Variants in ABCB10 observed in about 807,000 individuals in gnomAD.
ABCB10 encodes ATP binding cassette subfamily B member 10.
A neutral mutation model predicts 65.4 loss-of-function variants in ABCB10; 54 were observed. The observed-to-expected ratio is 0.83, with a 90% CI of 0.66 to 1.04. The LOEUF is 1.04. ABCB10 is among the 50% of genes least tolerant of loss of function. The pLI, the probability that ABCB10 is intolerant of heterozygous loss-of-function variation, is 0.00. For synonymous variants in ABCB10, 418 were observed against 406.5 expected, an observed-to-expected ratio of 1.03 and a Z score of -0.34; for missense variants, 846 against 976.6, an observed-to-expected ratio of 0.87 and a Z score of 1.78.
intron 2 of ABCB10, among the ~76,000 whole-genome samples, chr1:229,548,805 G>A (rs373954790): frequency 1.3e-5 from 2 of 152,034 alleles, no homozygotes; most frequent in African/African-American, 4.8e-5. Flanking sequence ...TGAGATTACA[G>A]GCACACACCA....
intron 2 of ABCB10, 30 bp downstream of exon 2, chr1:229,549,203 GA>G: frequency 1.2e-6 from 2 of 1,610,368 alleles, no homozygotes; most frequent in Non-Finnish European, 1.7e-6. Flanking sequence ...TCTTCAGGAT[GA>G]CTCACATCCC....
rs1477049607 is a variant in ABCB10 at position 229,558,643 on chromosome 1, G to C, written c.10C>G (p.Pro4Ala). 2.9e-6 allele frequency: 4 copies of C among 1,361,024 alleles called. No homozygotes were observed. The highest frequency in any genetic ancestry group is 3.8e-6 in the Non-Finnish European group (4 of 1,059,020). 84.3% of individuals were successfully genotyped at this position (1,361,024 alleles called of 1,614,324 possible). Residue 4 changes from proline (P) to alanine (A), a missense_variant, in exon 1 of 13, where the codon CCC (proline) becomes GCC (alanine). By Grantham distance (27) the Pro-to-Ala change is conservative. Around this residue, in one of 2 missense-constraint regions of ABCB10, gnomAD observed 214 missense variants for 173.5 expected, o/e 1.23. Coordinates refer to ENST00000344517, the MANE Select transcript of ABCB10 (RefSeq NM_012089.3). ...AGCAGCCGCAGCGGCCAGGCAGGGG[G>C]GCCTCGCATGGCGCTGCGTGCGACC... MRG[P>A]PAWPLRLLEP...
At chr1:229,527,338 C>A (rs377627077) in intron 8 of ABCB10, 30 bp from the exon 9 acceptor site, 2 of 1,582,878 alleles carry the variant, frequency 1.3e-6, no homozygotes, top group African/African-American at 2.7e-5. Context: ...AGGAAAGAGT[C>A]ACTGAGTGTG....
chr1:229,547,718 G>C lies in ABCB10; in HGVS notation c.719-17C>G, dbSNP rs550929290. The C allele has an allele frequency of 6.2e-7, 1 of 1,613,348 alleles. No individual in the cohort carries two copies. The highest frequency in any genetic ancestry group is 1.7e-5 in the Admixed American group (1 of 60,020). On this transcript the variant is annotated splice_polypyrimidine_tract_variant and intron_variant, in intron 2 of 12. Coordinates refer to ENST00000344517, the MANE Select transcript of ABCB10 (RefSeq NM_012089.3). ...TGCGCTGACCTGCAAAAGCAAACAC[G>C]AACAGGCTCACCAAGGGTAAAGACA...
chr1:229,518,731 A>G (rs868188771), intron 12 of ABCB10, 110 bp downstream of exon 12: 16 of 999,632 alleles, frequency 1.6e-5, no homozygotes, highest in African/African-American at 1.3e-4. Context: ...TAAAGGGGGG[A>G]AAAAGGATTT....
Position 229,534,162 on chromosome 1 carries a change from C to T in ABCB10, c.1340-2431G>A, listed in dbSNP as rs2102692580. Among the ~76,000 whole-genome samples the T allele has an allele frequency of 2.0e-5, 3 of 152,280 alleles. No homozygotes were observed. In the South Asian group the frequency reaches 6.2e-4, roughly 32 times the overall value. On this transcript the variant is annotated intron_variant, in intron 6 of 12. Coordinates refer to ENST00000344517, the MANE Select transcript of ABCB10 (RefSeq NM_012089.3). ...AGAAAATATACAGAGAGCAAATAAG[C>T]ATATGAACAGACGCTCAACATCATA...
rs376145871 is a variant in ABCB10, at chr1:229,558,155, A to G, written c.498T>C (p.Pro166=). 1 of 1,422,830 alleles carries G rather than the reference A, an allele frequency of 7.0e-7. No individual in the cohort carries two copies. The highest frequency in any genetic ancestry group is 9.2e-7 in the Non-Finnish European group (1 of 1,091,042). 88.1% of individuals were successfully genotyped at this position (1,422,830 alleles called of 1,614,324 possible). ...EARKLLGLAY[P]ERRRLAAAVG... is the part of the protein sequence containing the mutation. ...CCCTACCTGCCAGCCTCCGGCGCTC[A>G]GGGTACGCCAGCCCCAGGAGCTTCC... Residue 166 remains proline, a synonymous_variant, in exon 1 of 13, where the codon CCT becomes CCC. Transcript: ENST00000344517.
At chr1:229,521,529 T>C in intron 11 of ABCB10, 63 bp downstream of exon 11, 1 of 1,493,872 alleles carries the variant, frequency 6.7e-7, no homozygotes, top group Non-Finnish European at 9.0e-7. Context: ...AAATTACAAA[T>C]TACAAGGTCC....
chr1:229,537,074 T>C (rs1662739795), intron 6 of ABCB10, among the ~76,000 whole-genome samples: 1 of 152,232 alleles, frequency 6.6e-6, no homozygotes, highest in Non-Finnish European at 1.5e-5. Flanking sequence ...ATTCCTTTTA[T>C]ATGAAATAGC....
At chr1:229,534,394 A>G (rs1395146882) in intron 6 of ABCB10, among the ~76,000 whole-genome samples, 1 of 152,144 alleles carries the variant, frequency 6.6e-6, no homozygotes, top group African/African-American at 2.4e-5. Context: ...TTTTTTTGTA[A>G]GAAAAAAATT....
At chr1:229,526,931 T>A (rs1369292855) in intron 9 of ABCB10, among the ~76,000 whole-genome samples, 1 of 152,034 alleles carries the variant, frequency 6.6e-6, no homozygotes, top group Non-Finnish European at 1.5e-5. Context: ...CAGTAAAAGC[T>A]AAAAAAGAGT....
chr1:229,524,724 A>G (rs1303933459), intron 10 of ABCB10, among the ~76,000 whole-genome samples: 2 of 152,342 alleles, frequency 1.3e-5, no homozygotes, highest in East Asian at 3.9e-4. Context: ...CCCACAGGCC[A>G]GACCTGAACC....
intron 11 of ABCB10, among the ~76,000 whole-genome samples, chr1:229,520,456 C>T (rs536765357): frequency 3.5e-4 from 52 of 148,220 alleles, no homozygotes; most frequent in Admixed American, 1.6e-3. Flanking sequence ...GGTGATACAG[C>T]GAGACTCTGT....
chr1:229,535,906 A>G (rs1006099966), intron 6 of ABCB10, among the ~76,000 whole-genome samples: 18 of 152,144 alleles, frequency 1.2e-4, no homozygotes, highest in African/African-American at 4.3e-4. Context: ...TTGTATTTTT[A>G]GTAGAGACAG....
chr1:229,526,170 C>G, intron 9 of ABCB10, 54 bp from the exon 10 acceptor site: 1 of 1,538,432 alleles, frequency 6.5e-7, no homozygotes, highest in Non-Finnish European at 8.9e-7. Flanking sequence ...TAAAACATGT[C>G]TAATAAATTT....
At position 229,519,840 on chromosome 1, in the gene ABCB10, G is replaced by A. The variant is rs573436957; in HGVS notation, c.1951-965C>T. 2.0e-5 allele frequency among the ~76,000 whole-genome samples: 3 copies of A among 146,370 alleles called. No individual in the cohort carries two copies. The East Asian group carries it at 6.1e-4, about 30-fold the overall frequency. On this transcript the variant is annotated intron_variant, in intron 11 of 12. Transcript: ENST00000344517. ...GTAAGTAAATAAATAAATAAAATGA[G>A]TAAGGCTGAGTACGGTGGCTCACAC...
Position 229,552,195 on chromosome 1 carries a change from A to G in ABCB10, c.518-2761T>C, listed in dbSNP as rs143042704. On this transcript the variant is annotated intron_variant, in intron 1 of 12. Coordinates refer to ENST00000344517, the MANE Select transcript of ABCB10 (RefSeq NM_012089.3). ...TTCTTTGTCCAATTTGAATGTAAGA[A>G]AAGTAAAATATTTTTTGGCTTTTAG... Among the ~76,000 whole-genome samples, 1,372 of 152,356 alleles carry G rather than the reference A, an allele frequency of 9.0e-3. 9 individuals carry two copies. The highest frequency in any genetic ancestry group is 0.013 in the Non-Finnish European group (890 of 68,030).
At position 229,542,753 on chromosome 1, in the gene ABCB10, T is replaced by C. The variant is rs1662880868; in HGVS notation, c.922-382A>G. Among the ~76,000 whole-genome samples, 8 of 151,580 alleles carry C rather than the reference T, an allele frequency of 5.3e-5. No individual in the cohort carries two copies. The South Asian group carries it at 1.7e-3, about 32-fold the overall frequency. On this transcript the variant is annotated intron_variant, in intron 3 of 12. Coordinates refer to ENST00000344517, the MANE Select transcript of ABCB10 (RefSeq NM_012089.3). ...TCCAGTCCACCTCAGGAGTTGTATA[T>C]TCAGGTCTGAACCACCTGCAGGCAC...
Position 229,518,876 on chromosome 1 carries a change from C to G in ABCB10, c.1951-1G>C. On this transcript the variant is annotated splice_acceptor_variant, in intron 11 of 12. Coordinates refer to ENST00000344517, the MANE Select transcript of ABCB10 (RefSeq NM_012089.3). LOFTEE classifies it high-confidence loss of function. ...CATCTAGGAGAAGAATTTTGGGATT[C>G]TGAAGAAGGAAAAAAAAGGAAAAGA... is the stretch of plus-strand genomic sequence containing the variant. The G allele has an allele frequency of 1.3e-6, 2 of 1,591,848 alleles. No homozygotes were observed. The highest frequency in any genetic ancestry group is 1.7e-6 in the Non-Finnish European group (2 of 1,168,644).
Sources: gnomAD v4.1 joint callset for allele counts (sites outside exome capture counted in the v4.1 genomes callset) on GRCh38, gnomAD v4.1.1 for gene constraint, gnomAD v4.1.1 regional missense constraint, MANE v1.5 for transcripts, NCBI Gene and HGNC (gene_info 2026-07-23, HGNC 2026-07-21) for gene names.